The following DHX9 variants were observed in gnomAD, a reference collection of about 807,000 sequenced individuals.
The protein encoded by DHX9 is ATP-dependent RNA helicase A.
In DHX9, 27 loss-of-function variants were observed where a neutral mutation model predicts 148.7. The observed-to-expected ratio is 0.18, with a 90% CI of 0.13 to 0.25. DHX9 has a LOEUF of 0.25. Ranked by LOEUF, DHX9 falls within the 10% of genes least tolerant of loss-of-function variation. The pLI is 1.00. For synonymous variants in DHX9, 529 were observed against 516.6 expected (o/e 1.02, Z -0.33); for missense variants, 796 against 1,559.6 (o/e 0.51, Z 8.25).
chr1:182,848,217 T>C (rs1167543948), intron 3 of DHX9, among the ~76,000 whole-genome samples: 1 of 152,250 alleles, frequency 6.6e-6, no homozygotes, highest in Non-Finnish European at 1.5e-5. Context: ...TTTTTCTCCG[T>C]AACACTTACT....
chr1:182,875,968 T>G (rs1320715447), intron 16 of DHX9, 82 bp from the exon 17 acceptor site: 12 of 1,011,950 alleles, frequency 1.2e-5, no homozygotes, highest in Non-Finnish European at 1.8e-5. Context: ...TACAAGTAAT[T>G]AGAGTCACTA....
intron 14 of DHX9, among the ~76,000 whole-genome samples, chr1:182,870,089 A>C (rs1648495826): frequency 6.6e-6 from 1 of 152,230 alleles, no homozygotes; most frequent in Non-Finnish European, 1.5e-5. Context: ...AAAAACAAAA[A>C]AAGATACCAT....
chr1:182,853,532 G>T (rs1270642396), intron 5 of DHX9, 114 bp downstream of exon 5: 2 of 719,468 alleles, frequency 2.8e-6, no homozygotes, highest in African/African-American at 3.6e-5. Flanking sequence ...CTTTTAAGAG[G>T]TTATTTGAGA....
intron 20 of DHX9, 41 bp from the exon 21 acceptor site, chr1:182,879,209 T>C (rs1243546115): frequency 2.1e-6 from 3 of 1,414,554 alleles, no homozygotes; most frequent in East Asian, 2.4e-5. Context: ...CATCTGTGTA[T>C]ACACAAGGAG....
At chr1:182,844,531 GT>G (rs200448239) in intron 3 of DHX9, among the ~76,000 whole-genome samples, 4 of 151,594 alleles carry the variant, frequency 2.6e-5, no homozygotes, top group African/African-American at 9.7e-5. Flanking sequence ...AAGAAATAAG[GT>G]TTTTTTTGTT....
chr1:182,875,323 C>T (rs753894213), intron 16 of DHX9: 6 of 400,504 alleles, frequency 1.5e-5, no homozygotes, highest in Non-Finnish European at 3.0e-5. Flanking sequence ...TGTGCCCCAC[C>T]CTAGATCTAC....
intron 14 of DHX9, among the ~76,000 whole-genome samples, chr1:182,871,438 A>T (rs934075891): frequency 6.6e-6 from 1 of 152,216 alleles, no homozygotes; most frequent in Non-Finnish European, 1.5e-5. Context: ...TATATAAATA[A>T]TGGTACCACT....
intron 3 of DHX9, 102 bp downstream of exon 3, chr1:182,843,536 A>G: frequency 8.4e-7 from 1 of 1,191,180 alleles, no homozygotes; most frequent in South Asian, 2.0e-5. Context: ...GTTTTCAGAT[A>G]TATCGTGTTT....
chr1:182,851,166 T>G (rs1368627923), intron 3 of DHX9, among the ~76,000 whole-genome samples: 1 of 152,294 alleles, frequency 6.6e-6, no homozygotes. Context: ...CTTCAAGGTA[T>G]AAGCTCTCTA....
intron 22 of DHX9, 117 bp downstream of exon 22, chr1:182,880,725 A>G (rs1303815576): frequency 7.5e-6 from 5 of 667,540 alleles, no homozygotes; most frequent in Non-Finnish European, 1.3e-5. Context: ...AATGTTCTTC[A>G]GGGAAGTAAC....
rs538144336 is a variant in DHX9, at chr1:182,855,049, AATTAAT to A, written c.626+879_626+884del. On this transcript the variant is annotated intron_variant, in intron 6 of 27. Coordinates refer to ENST00000367549, the MANE Select transcript of DHX9 (RefSeq NM_001357.5). ...TGGATGCATCTAGCGACCCTGAAAT[AATTAAT>A]ATTAATACAAAATTTTGTCACTGAT... is the stretch of plus-strand genomic sequence containing the variant. 1.4e-3 allele frequency among the ~76,000 whole-genome samples: 217 copies of A among 152,312 alleles called. 1 individual carries two copies. Among genetic ancestry groups the A allele is most frequent in the Middle Eastern group, 3.4e-3 (1 of 294 alleles).
At position 182,852,273 on chromosome 1, in the gene DHX9, C is replaced by T. The variant is rs1355052648; in HGVS notation, c.293C>T (p.Thr98Ile). Residue 98 changes from threonine (T) to isoleucine (I), a missense_variant, in exon 4 of 28, where the codon ACA (threonine) becomes ATA (isoleucine). Physicochemically the swap from Thr to Ile is moderately conservative, Grantham distance 89. Transcript: ENST00000367549. ...PPPLTDTPDT[T>I]ANAEGDLPTT... Reference sequence around the variant, plus strand: ...CCACTTACTGATACTCCTGACACTACAGCAAATGCTGAAGGAGATTTACCA... The same window carrying T: ...CCACTTACTGATACTCCTGACACTATAGCAAATGCTGAAGGAGATTTACCA... The T allele has an allele frequency of 1.2e-6, 2 of 1,613,186 alleles. No homozygotes were observed. Among genetic ancestry groups the T allele is most frequent in the Admixed American group, 3.3e-5 (2 of 59,768 alleles).
intron 6 of DHX9, 66 bp downstream of exon 6, chr1:182,854,244 T>C: frequency 7.0e-7 from 1 of 1,425,798 alleles, no homozygotes; most frequent in Non-Finnish European, 9.5e-7. Flanking sequence ...CACTGTTGAA[T>C]ATAATCTATT....
chr1:182,866,570 A>T lies in DHX9; in HGVS notation c.1459A>T (p.Met487Leu), dbSNP rs772446022. The change falls in exon 13 of 28, where the codon ATG becomes TTG. Residue 487 changes from methionine to leucine, a missense_variant. By Grantham distance (15) the Met-to-Leu change is conservative. This residue lies in a region of DHX9 where 58 missense variants were observed against 122.8 expected (regional missense o/e 0.47). Transcript: ENST00000367549. ...SILPRPHASI[M>L]FCTVGVLLRK... ...ACTTCCTCGTCCTCATGCCAGTATAATGTTTTGTACTGTAGGTCAGTAATG... is the reference window on the plus strand; with the variant it reads ...ACTTCCTCGTCCTCATGCCAGTATATTGTTTTGTACTGTAGGTCAGTAATG... 6.2e-7 allele frequency: 1 copy of T among 1,614,042 alleles called. No homozygotes were observed. Among genetic ancestry groups the T allele is most frequent in the Non-Finnish European group, 8.5e-7 (1 of 1,179,974 alleles).
At chr1:182,847,674 C>T (rs1019912001) in intron 3 of DHX9, among the ~76,000 whole-genome samples, 2 of 152,156 alleles carry the variant, frequency 1.3e-5, no homozygotes, top group African/African-American at 4.8e-5. Flanking sequence ...AATTCTGATT[C>T]TTCAGGCCAA....
intron 14 of DHX9, 29 bp downstream of exon 14, chr1:182,867,072 AC>A (rs1648325164): frequency 7.3e-7 from 1 of 1,363,936 alleles, no homozygotes; most frequent in South Asian, 1.4e-5. Context: ...ACAGTAAGGT[AC>A]TTAATTCTGC....
In DHX9 at chr1:182,876,536, A is replaced by G; in HGVS notation, c.2119A>G (p.Thr707Ala). ...GTTTGATCCAGTACCAGTTGGAGTA[A>G]CCAAGGTAAATATTAAACATTAGAG... ...KVFDPVPVGV[T>A]KVILSTNIAE... The change falls in exon 18 of 28, where the codon ACC (threonine) becomes GCC (alanine). Residue 707 changes from threonine (T) to alanine (A), a missense_variant. Transcript: ENST00000367549. 6.2e-7 allele frequency: 1 copy of G among 1,610,340 alleles called. No homozygotes were observed. Among genetic ancestry groups the G allele is most frequent in the Non-Finnish European group, 8.5e-7 (1 of 1,178,148 alleles).
intron 3 of DHX9, among the ~76,000 whole-genome samples, chr1:182,844,819 C>T (rs898163325): frequency 3.3e-5 from 5 of 151,850 alleles, no homozygotes; most frequent in African/African-American, 7.3e-5. Flanking sequence ...GCCTGGCCCA[C>T]GCCCAGCTAA....
At chr1:182,871,669 A>G (rs1440136641) in intron 14 of DHX9, among the ~76,000 whole-genome samples, 1 of 152,254 alleles carries the variant, frequency 6.6e-6, no homozygotes, top group African/African-American at 2.4e-5. Context: ...ATATTCATAC[A>G]CTGGGACAGT....
Sources: gnomAD v4.1 joint callset for allele counts (sites outside exome capture counted in the v4.1 genomes callset) on GRCh38, gnomAD v4.1.1 for gene constraint, gnomAD v4.1.1 regional missense constraint, MANE v1.5 for transcripts, NCBI Gene and HGNC (gene_info 2026-07-23, HGNC 2026-07-21) for gene names.